Variants in WDFY4 observed in about 807,000 individuals in gnomAD.
The protein encoded by WDFY4 is WDFY family member 4, also known as WD repeat- and FYVE domain-containing protein 4.
In WDFY4, 169 loss-of-function variants were observed where a neutral mutation model predicts 351.9. The ratio of observed to expected loss-of-function variants is 0.48; its 90% CI spans 0.42 to 0.55. The LOEUF (loss-of-function observed/expected upper bound fraction) is 0.55, where lower values mean the gene tolerates loss of function less well. Among genes scored for constraint, WDFY4 ranks in the 20% least tolerant of loss-of-function variants. The probability of loss-of-function intolerance (pLI) is 0.00; values close to 1 mark genes in which losing one functional copy is unlikely to be tolerated. For synonymous variants in WDFY4, 1,622 were observed against 1,574.6 expected (o/e 1.03, Z -0.71); for missense variants, 3,803 against 3,935.6 (o/e 0.97, Z 0.90).
chr10:48,779,861 C>T (rs2066160058), intron 18 of WDFY4, 80 bp from the exon 19 acceptor site: 2 of 1,495,192 alleles, frequency 1.3e-6, no homozygotes, highest in South Asian at 1.3e-5. Flanking sequence ...TGGTTGACGT[C>T]CGCCTATGCC....
chr10:48,872,236 A>T (rs1291752023), intron 40 of WDFY4, among the ~76,000 whole-genome samples: 1 of 152,260 alleles, frequency 6.6e-6, no homozygotes, highest in African/African-American at 2.4e-5. Flanking sequence ...TAAGTCTTCC[A>T]GTTTTTTGAA....
intron 39 of WDFY4, among the ~76,000 whole-genome samples, chr10:48,849,992 C>G (rs906485095): frequency 5.0e-4 from 76 of 152,138 alleles, no homozygotes; most frequent in African/African-American, 1.7e-3. Flanking sequence ...TTGCCTCATG[C>G]TTTTTTCATG....
intron 6 of WDFY4, among the ~76,000 whole-genome samples, chr10:48,726,562 G>A (rs2064275027): frequency 6.6e-6 from 1 of 152,226 alleles, no homozygotes; most frequent in Non-Finnish European, 1.5e-5. Context: ...TAGGGGTTAA[G>A]GCCAAAGACT....
intron 47 of WDFY4, among the ~76,000 whole-genome samples, chr10:48,920,662 C>G (rs1838990742): frequency 6.6e-6 from 1 of 152,104 alleles, no homozygotes; most frequent in East Asian, 1.9e-4. Flanking sequence ...GAAATTCTAA[C>G]CAGTGCAATA....
chr10:48,716,457 T>C (rs1345728642), intron 2 of WDFY4, among the ~76,000 whole-genome samples: 2 of 152,224 alleles, frequency 1.3e-5, no homozygotes, highest in East Asian at 3.8e-4. Context: ...TATTGAGCAA[T>C]ATTCTCCCAG....
chr10:48,867,264 G>T lies in WDFY4; in HGVS notation c.6664-1G>T. 7.2e-7 allele frequency: 1 copy of T among 1,390,584 alleles called. No homozygotes were observed. Among genetic ancestry groups the T allele is most frequent in the Non-Finnish European group, 9.4e-7 (1 of 1,066,828 alleles). The allele number at this position is 1,390,584 out of a possible 1,614,324, so 86.1% of individuals were successfully genotyped here. Reference sequence around the variant, plus strand: ...TGTGACTTGTTTTCTCCTTTCTCCAGGATTTTGTGTCATGTATAGAGAACT... The same window carrying T: ...TGTGACTTGTTTTCTCCTTTCTCCATGATTTTGTGTCATGTATAGAGAACT... On this transcript the variant is annotated splice_acceptor_variant, in intron 39 of 61. Coordinates refer to ENST00000325239, the MANE Select transcript of WDFY4 (RefSeq NM_001394531.1). LOFTEE classifies it high-confidence loss of function.
chr10:48,806,162 T>C (rs773058207), intron 27 of WDFY4, 67 bp downstream of exon 27: 4 of 1,477,966 alleles, frequency 2.7e-6, no homozygotes, highest in Middle Eastern at 1.7e-4. Context: ...GAGGCCCACA[T>C]TGTGCAGAGG....
At chr10:48,876,463 T>C (rs1202107342) in intron 42 of WDFY4, among the ~76,000 whole-genome samples, 1 of 152,198 alleles carries the variant, frequency 6.6e-6, no homozygotes, top group Non-Finnish European at 1.5e-5. Context: ...CCAACCAAGA[T>C]GGGACAACAT....
intron 47 of WDFY4, among the ~76,000 whole-genome samples, chr10:48,926,575 G>A (rs755560754): frequency 1.3e-5 from 2 of 152,138 alleles, no homozygotes; most frequent in African/African-American, 4.8e-5. Flanking sequence ...GGCAAATAAG[G>A]TCCCTGAAGA....
chr10:48,936,670 TACTAAAA>T (rs1349722734), intron 47 of WDFY4, among the ~76,000 whole-genome samples: 1 of 151,660 alleles, frequency 6.6e-6, no homozygotes, highest in Non-Finnish European at 1.5e-5. Context: ...ACCCCGTCTC[TACTAAAA>T]ATACAAAAAC....
At chr10:48,911,838 A>T (rs1838032676) in intron 47 of WDFY4, among the ~76,000 whole-genome samples, 1 of 152,236 alleles carries the variant, frequency 6.6e-6, no homozygotes, top group African/African-American at 2.4e-5. Context: ...AAAATTTTGA[A>T]TCTAGATCTC....
At chr10:48,892,418 A>G (rs1057131350) in intron 44 of WDFY4, among the ~76,000 whole-genome samples, 1 of 152,230 alleles carries the variant, frequency 6.6e-6, no homozygotes, top group African/African-American at 2.4e-5. Flanking sequence ...CTAGAATGCA[A>G]GCAGGAGTAG....
intron 40 of WDFY4, among the ~76,000 whole-genome samples, chr10:48,869,445 G>A (rs2069676560): frequency 6.6e-6 from 1 of 152,144 alleles, no homozygotes; most frequent in Non-Finnish European, 1.5e-5. Flanking sequence ...GCATAAGAAG[G>A]CATCATTGCC....
At chr10:48,825,561 T>C (rs1351736471) in intron 35 of WDFY4, among the ~76,000 whole-genome samples, 1 of 152,170 alleles carries the variant, frequency 6.6e-6, no homozygotes, top group Non-Finnish European at 1.5e-5. Flanking sequence ...GTTGAACAAA[T>C]TTACATTCCC....
At chr10:48,690,676 G>T (rs116746159) in intron 1 of WDFY4, among the ~76,000 whole-genome samples, 1,961 of 152,208 alleles carry the variant, frequency 0.013, 47 homozygotes, top group African/African-American at 0.045. Context: ...CCTGGAGAAG[G>T]TAGCTCTTCT....
At chr10:48,720,159 A>G in intron 3 of WDFY4, 34 bp downstream of exon 3, 1 of 1,544,048 alleles carries the variant, frequency 6.5e-7, no homozygotes, top group Non-Finnish European at 8.8e-7. Flanking sequence ...GACCCTCTAC[A>G]GAGAGCAGTG....
At chr10:48,919,162 C>A (rs186495433) in intron 47 of WDFY4, among the ~76,000 whole-genome samples, 1 of 151,306 alleles carries the variant, frequency 6.6e-6, no homozygotes, top group Admixed American at 6.6e-5. Context: ...AAACAGATAG[C>A]CAGACTGACA....
At chr10:48,824,102 A>C (rs1237008183) in intron 35 of WDFY4, 1 of 985,336 alleles carries the variant, frequency 1.0e-6, no homozygotes, top group Non-Finnish European at 1.2e-6. Flanking sequence ...TAAGGCTACA[A>C]ATCAGGGTCT....
intron 60 of WDFY4, chr10:48,980,223 A>G (rs935877503): frequency 6.6e-6 from 1 of 152,244 alleles, no homozygotes; most frequent in Admixed American, 6.5e-5. Context: ...TTTAGAGTTA[A>G]CAAATCTAAA....
Sources: gnomAD v4.1 joint callset for allele counts (sites outside exome capture counted in the v4.1 genomes callset) on GRCh38, gnomAD v4.1.1 for gene constraint, MANE v1.5 for transcripts, NCBI Gene and HGNC (gene_info 2026-07-23, HGNC 2026-07-21) for gene names.